The following PCDHA10 variants were observed in gnomAD, a reference collection of about 807,000 sequenced individuals.
PCDHA10 encodes the protein protocadherin alpha 10, also known as protocadherin alpha-10.
Under a neutral mutation model 61.2 loss-of-function variants are expected in PCDHA10, and 45 were observed. The ratio of observed to expected loss-of-function variants is 0.74; its 90% CI spans 0.58 to 0.94. PCDHA10 has a LOEUF of 0.94. Among genes scored for constraint, PCDHA10 ranks in the 40% least tolerant of loss-of-function variants. The probability of loss-of-function intolerance (pLI) is 0.00; values close to 1 mark genes in which losing one functional copy is unlikely to be tolerated. For synonymous variants in PCDHA10, 602 were observed against 548.8 expected (o/e 1.10, Z -1.35); for missense variants, 1,278 against 1,236.2 (o/e 1.03, Z -0.51).
rs2044803207 is a variant in PCDHA10, at chr5:140,857,702, G to T, written c.1654G>T (p.Val552Leu). 1 of 1,597,298 alleles carries T rather than the reference G, an allele frequency of 6.3e-7. No individual in the cohort carries two copies. The highest frequency in any genetic ancestry group is 1.3e-5 in the African/African-American group (1 of 74,312). Residue 552 changes from valine (V) to leucine (L), a missense_variant, in exon 1 of 4, where the codon GTG becomes TTG. Val to Leu is a conservative substitution (Grantham distance 32, BLOSUM62 1). Transcript: ENST00000307360. ...TCTGGGCAGCAACTTGACGCTGCAG[G>T]TGTTCGTGCTGGACGAGAACGACAA... ...PPLGSNLTLQVFVLDENDNAP... is the reference protein window; with the variant it reads ...PPLGSNLTLQLFVLDENDNAP...
intron 1 of PCDHA10, chr5:140,875,905 T>C (rs1554168057): frequency 2.0e-5 from 32 of 1,614,104 alleles, no homozygotes; most frequent in Non-Finnish European, 1.6e-5. Flanking sequence ...TGTTTCTGAA[T>C]CTGCGCCTCT....
At chr5:140,966,477 T>C in intron 1 of PCDHA10, 1 of 432,754 alleles carries the variant, frequency 2.3e-6, no homozygotes, top group Non-Finnish European at 4.0e-6. Context: ...TTCTGTTTCC[T>C]TTTCCCTCCC....
chr5:140,917,324 C>CGGGGGGGGGGGGG (rs1299895515), intron 1 of PCDHA10, among the ~76,000 whole-genome samples: 2 of 76,122 alleles, frequency 2.6e-5, no homozygotes, highest in Admixed American at 1.5e-4. Context: ...GTTCATGTGG[C>CGGGGGGGGGGGGG]GGGGGAGGGG....
chr5:140,884,334 C>T (rs1405987385), intron 1 of PCDHA10: 1 of 1,613,746 alleles, frequency 6.2e-7, no homozygotes, highest in Non-Finnish European at 8.5e-7. Context: ...GCTGTGGGTC[C>T]AGAAGCGGCG....
Position 140,857,413 on chromosome 5 carries a change from G to A in PCDHA10, c.1365G>A (p.Ala455=), listed in dbSNP as rs979396078. 1 of 1,598,402 alleles carries A rather than the reference G, an allele frequency of 6.3e-7. No homozygotes were observed. Among genetic ancestry groups the A allele is most frequent in the African/African-American group, 1.3e-5 (1 of 74,370 alleles). ...TGAACGACAACGCGCCTGCGTTCGCGCAGTCCGAGTACACGGTGTTCGTGA... is the reference window on the plus strand; with the variant it reads ...TGAACGACAACGCGCCTGCGTTCGCACAGTCCGAGTACACGGTGTTCGTGA... ...ADVNDNAPAF[A]QSEYTVFVKE... The change falls in exon 1 of 4, where the codon GCG becomes GCA. Residue 455 remains alanine (A), a synonymous_variant. Coordinates refer to ENST00000307360, the MANE Select transcript of PCDHA10 (RefSeq NM_018901.4).
At chr5:141,007,448 G>A (rs555583994) in intron 3 of PCDHA10, among the ~76,000 whole-genome samples, 2 of 150,352 alleles carry the variant, frequency 1.3e-5, no homozygotes, top group African/African-American at 4.9e-5. Context: ...TGTGCCTGTA[G>A]TCCCAGCTAC....
At chr5:140,877,296 C>A (rs781799440) in intron 1 of PCDHA10, 2 of 1,613,942 alleles carry the variant, frequency 1.2e-6, no homozygotes, top group Non-Finnish European at 1.7e-6. Context: ...CTTGGCTGTC[C>A]TACGAGTTGC....
At chr5:140,958,652 G>A (rs991773774) in intron 1 of PCDHA10, among the ~76,000 whole-genome samples, 15 of 152,030 alleles carry the variant, frequency 9.9e-5, no homozygotes, top group Admixed American at 2.6e-4. Flanking sequence ...ATCACAGAAA[G>A]CTATGATGAA....
chr5:140,992,017 C>CTG (rs10602499), intron 3 of PCDHA10, among the ~76,000 whole-genome samples: 19,643 of 145,468 alleles, frequency 0.14, 1,328 homozygotes, highest in East Asian at 0.18. Flanking sequence ...AGAGGTGGCT[C>CTG]TGTGTGTGTG....
intron 1 of PCDHA10, chr5:140,968,445 G>C (rs782157846): frequency 1.2e-6 from 2 of 1,613,954 alleles, no homozygotes; most frequent in African/African-American, 2.7e-5. Context: ...CCACCACTGA[G>C]CAGCACTGTG....
At position 140,875,871 on chromosome 5, in the gene PCDHA10, C is replaced by G. The variant is rs2055892299; in HGVS notation, c.2388+17435C>G. On this transcript the variant is annotated intron_variant, in intron 1 of 3. Transcript: ENST00000307360. ...ACATTAACGACAACCCGCCGGTGTT[C>G]AGAGAAAGGGAACAAAAGGTACCTG... 3 of 1,614,188 alleles carry G rather than the reference C, an allele frequency of 1.9e-6. No individual in the cohort carries two copies. The highest frequency in any genetic ancestry group is 2.5e-6 in the Non-Finnish European group (3 of 1,180,036).
Position 140,883,273 on chromosome 5 carries a change from C to A in PCDHA10, c.2388+24837C>A, listed in dbSNP as rs370482487. Reference sequence around the variant, plus strand: ...ATATTCCAATGGCGGGTCATTGTACCCTTTTGGTGGAAGTACTAGATGTAA... The same window carrying A: ...ATATTCCAATGGCGGGTCATTGTACACTTTTGGTGGAAGTACTAGATGTAA... On this transcript the variant is annotated intron_variant, in intron 1 of 3. Transcript: ENST00000307360. 10 of 1,613,676 alleles carry A rather than the reference C, an allele frequency of 6.2e-6. No homozygotes were observed. The Middle Eastern group carries it at 6.6e-4, about 106-fold the overall frequency.
At chr5:140,907,647 G>A (rs1336039908) in intron 1 of PCDHA10, among the ~76,000 whole-genome samples, 1 of 152,192 alleles carries the variant, frequency 6.6e-6, no homozygotes, top group East Asian at 1.9e-4. Flanking sequence ...CTGGCAAATT[G>A]GGCACTCAGC....
intron 1 of PCDHA10, chr5:140,884,062 C>T (rs1328958684): frequency 8.7e-6 from 14 of 1,613,496 alleles, no homozygotes; most frequent in Non-Finnish European, 1.2e-5. Context: ...GCGCGGTGGA[C>T]GCCGATTCGG....
chr5:140,983,711 G>C (rs2097062291), intron 3 of PCDHA10, among the ~76,000 whole-genome samples: 1 of 152,202 alleles, frequency 6.6e-6, no homozygotes, highest in Non-Finnish European at 1.5e-5. Context: ...AGTATATCTA[G>C]CACTTATATT....
At chr5:141,002,567 C>T (rs2098086110) in intron 3 of PCDHA10, among the ~76,000 whole-genome samples, 1 of 152,210 alleles carries the variant, frequency 6.6e-6, no homozygotes, top group Admixed American at 6.5e-5. Context: ...CAGTTAGTGA[C>T]CATGTGACCA....
At chr5:140,965,288 T>C (rs1020237812) in intron 1 of PCDHA10, among the ~76,000 whole-genome samples, 5 of 152,216 alleles carry the variant, frequency 3.3e-5, no homozygotes, top group Non-Finnish European at 7.3e-5. Flanking sequence ...CATGGAAAGA[T>C]TTCCTCTGAT....
chr5:140,950,944 T>C (rs2094535037), intron 1 of PCDHA10, among the ~76,000 whole-genome samples: 1 of 152,090 alleles, frequency 6.6e-6, no homozygotes, highest in Admixed American at 6.5e-5. Flanking sequence ...TCAGATTGGA[T>C]CATTTCTATT....
At chr5:140,869,850 G>A in intron 1 of PCDHA10, 1 of 1,610,774 alleles carries the variant, frequency 6.2e-7, no homozygotes, top group South Asian at 1.1e-5. Flanking sequence ...AATATAAGGT[G>A]AGCCTTATGG....
Sources: allele counts gnomAD v4.1 joint callset (sites outside exome capture counted in the v4.1 genomes callset), GRCh38; gene constraint gnomAD v4.1.1; transcripts MANE v1.5; gene names NCBI Gene and HGNC (gene_info 2026-07-23, HGNC 2026-07-21).